Variants in PRSS50 observed in about 807,000 individuals in gnomAD.
PRSS50 encodes the protein probable threonine protease PRSS50.
PRSS50 carries 23 observed loss-of-function variants against 34.2 expected under a neutral mutation model. The observed-to-expected ratio is 0.67, with a 90% CI of 0.48 to 0.95. The LOEUF (loss-of-function observed/expected upper bound fraction) is 0.95, where lower values mean the gene tolerates loss of function less well. Ranked by LOEUF, PRSS50 falls within the 40% of genes least tolerant of loss-of-function variation. PRSS50 has a pLI of 0.00. For synonymous variants in PRSS50, 224 were observed against 211.2 expected, an observed-to-expected ratio of 1.06 and a Z score of -0.53; for missense variants, 484 against 513.4, an observed-to-expected ratio of 0.94 and a Z score of 0.55.
In PRSS50 at chr3:46,717,447, G is replaced by A. The variant is rs775881844; in HGVS notation, c.297C>T (p.Asp99=). 2 of 1,613,978 alleles carry A rather than the reference G, an allele frequency of 1.2e-6. No individual in the cohort carries two copies. Among genetic ancestry groups the A allele is most frequent in the Middle Eastern group, 1.7e-4 (1 of 6,060 alleles). Residue 99 remains aspartate (D), a synonymous_variant, in exon 2 of 6, where the codon GAC becomes GAT. Coordinates refer to ENST00000315170, the MANE Select transcript of PRSS50 (RefSeq NM_013270.5). This position sits in a 1 kb window ranked among gnomAD's most constrained non-coding sequence, Gnocchi z 4.5. ...ACCCCTGGTACTCACAGCGGTATGG[G>A]TCGACTTTGCCTTCAGAAACTGGGA... ...TQFPVSEGKV[D]PYRSCGFSYE... is the part of the protein sequence containing the mutation.
chr3:46,712,410 C>T lies in PRSS50; in HGVS notation c.994G>A (p.Ala332Thr). ...GGGGCCTCGCTCTTCTGGCAGCCTG[C>T]ACCCCAGCTCACCAATCCCACCAGG... ...WYLVGLVSWG[A>T]GCQKSEAPPI... is the part of the protein sequence containing the mutation. Residue 332 changes from alanine (A) to threonine (T), a missense_variant, in exon 6 of 6, where the codon GCA (alanine) becomes ACA (threonine). Physicochemically the swap from Ala to Thr is moderately conservative, Grantham distance 58. Coordinates refer to ENST00000315170, the MANE Select transcript of PRSS50 (RefSeq NM_013270.5). 1.9e-6 allele frequency: 3 copies of T among 1,614,096 alleles called. No homozygotes were observed. Among genetic ancestry groups the T allele is most frequent in the Non-Finnish European group, 1.7e-6 (2 of 1,179,990 alleles).
In PRSS50 at chr3:46,716,454, G is replaced by A. The variant is rs1218940972; in HGVS notation, c.308-757C>T. The stretch of plus-strand genomic sequence containing the variant: ...TATTTTTTAATTTTTTGGAGAGATA[G>A]AGTCCCACTATGTTGCCCAGGCAGG... On this transcript the variant is annotated intron_variant, in intron 2 of 5. Transcript: ENST00000315170. This position sits in a 1 kb window ranked among gnomAD's most constrained non-coding sequence, Gnocchi z 4.4. 6.6e-6 allele frequency among the ~76,000 whole-genome samples: 1 copy of A among 152,034 alleles called. No homozygotes were observed. The highest frequency in any genetic ancestry group is 1.5e-5 in the Non-Finnish European group (1 of 68,018).
chr3:46,712,922 G>A lies in PRSS50; in HGVS notation c.900C>T (p.Thr300=), dbSNP rs368603995. 1.4e-5 allele frequency: 22 copies of A among 1,613,918 alleles called. No individual in the cohort carries two copies. The African/African-American group carries it at 2.5e-4, about 19-fold the overall frequency. The change falls in exon 5 of 6, where the codon ACC becomes ACT. Residue 300 remains threonine, a synonymous_variant. Coordinates refer to ENST00000315170, the MANE Select transcript of PRSS50 (RefSeq NM_013270.5). ...IKSQMMCAED[T]HREKFCYELT... ...TCACATAGCAGAACTTCTCCCTGTG[G>A]GTGTCCTCCGCACACATCATCTGGG...
rs1186997324 is a variant in PRSS50 at position 46,712,288 on chromosome 3, G to A, written c.1116C>T (p.Leu372=). 6.2e-7 allele frequency: 1 copy of A among 1,612,562 alleles called. No individual in the cohort carries two copies. The highest frequency in any genetic ancestry group is 8.5e-7 in the Non-Finnish European group (1 of 1,179,506). The change falls in exon 6 of 6, where the codon CTC becomes CTT. Residue 372 remains leucine, a synonymous_variant. Transcript: ENST00000315170. ...GGCTGAGGGGCAGTGGGAGTGCCAG[G>A]AGCAGGGTCCTGGATGGGGCTGGCA... The part of the protein sequence containing the change: ...LALPAPSRTL[L]LALPLPLSLL...
rs1336435810 is a variant in PRSS50 at position 46,717,324 on chromosome 3, G to A, written c.307+113C>T. 11 of 1,200,136 alleles carry A rather than the reference G, an allele frequency of 9.2e-6. No homozygotes were observed. The highest frequency in any genetic ancestry group is 1.1e-5 in the Non-Finnish European group (9 of 850,744). The allele number at this position is 1,200,136 out of a possible 1,614,324, so 74.3% of individuals were successfully genotyped here. A position where few individuals can be genotyped will look rare whatever the true frequency, so the allele number is the denominator to read the frequency against. ...TCAATGAACACCTGTAGAAGGAGGCGCTCCTCTATCCTGCTCGCCCCCGTC... is the reference window on the plus strand; with the variant it reads ...TCAATGAACACCTGTAGAAGGAGGCACTCCTCTATCCTGCTCGCCCCCGTC... On this transcript the variant is annotated intron_variant, in intron 2 of 5. Transcript: ENST00000315170. This position sits in a 1 kb window ranked among gnomAD's most constrained non-coding sequence, Gnocchi z 4.5.
chr3:46,714,162 T>A, intron 4 of PRSS50, 56 bp downstream of exon 4: 1 of 1,576,394 alleles, frequency 6.3e-7, no homozygotes, highest in South Asian at 1.2e-5. Context: ...CACCCTGGCC[T>A]GCACCCACGT....
At position 46,715,636 on chromosome 3, in the gene PRSS50, C is replaced by T. The variant is rs1700671798; in HGVS notation, c.369G>A (p.Arg123=). ...CCCGCACGCTGACCATCCAGGGCCACCGCCGAGCCACGGCTTCTGGGTCCC... is the reference window on the plus strand; with the variant it reads ...CCCGCACGCTGACCATCCAGGGCCATCGCCGAGCCACGGCTTCTGGGTCCC... The part of the protein sequence containing the change: ...TLRDPEAVAR[R]WPWMVSVRAN... Residue 123 remains arginine, a synonymous_variant, in exon 3 of 6, where the codon CGG becomes CGA. Coordinates refer to ENST00000315170, the MANE Select transcript of PRSS50 (RefSeq NM_013270.5). This position sits in a 1 kb window ranked among gnomAD's most constrained non-coding sequence, Gnocchi z 5.2. The T allele has an allele frequency of 1.9e-6, 3 of 1,611,988 alleles. 1 individual carries two copies. Among genetic ancestry groups the T allele is most frequent in the East Asian group, 4.5e-5 (2 of 44,788 alleles).
At position 46,715,709 on chromosome 3, in the gene PRSS50, G is replaced by C; in HGVS notation, c.308-12C>G. ...GGAAAAGCCACAGGCTGAGGAGGAAGGTGAGAGCTTGATGAGGGATGGATC... is the reference window on the plus strand; with the variant it reads ...GGAAAAGCCACAGGCTGAGGAGGAACGTGAGAGCTTGATGAGGGATGGATC... On this transcript the variant is annotated splice_polypyrimidine_tract_variant and intron_variant, in intron 2 of 5. Coordinates refer to ENST00000315170, the MANE Select transcript of PRSS50 (RefSeq NM_013270.5). The surrounding 1 kb of genome is among the most constrained non-coding windows in gnomAD (Gnocchi z 5.2). 1 of 1,579,120 alleles carries C rather than the reference G, an allele frequency of 6.3e-7. No individual in the cohort carries two copies. Among genetic ancestry groups the C allele is most frequent in the Non-Finnish European group, 8.6e-7 (1 of 1,160,258 alleles).
intron 4 of PRSS50, among the ~76,000 whole-genome samples, 170 bp from the exon 5 acceptor site, chr3:46,713,237 G>A (rs748978040): frequency 3.3e-5 from 5 of 152,120 alleles, no homozygotes; most frequent in Non-Finnish European, 5.9e-5. Flanking sequence ...CAGAGCCCCC[G>A]GAGCAGAGTA....
At position 46,712,486 on chromosome 3, in the gene PRSS50, T is replaced by C. The variant is rs9815362; in HGVS notation, c.922-4A>G. 0.45 allele frequency: 733,529 copies of C among 1,613,086 alleles called. 170,730 individuals are homozygous for C. The highest frequency in any genetic ancestry group is 0.72 in the African/African-American group (54,025 of 74,882). On this transcript the variant is annotated splice_polypyrimidine_tract_variant and splice_region_variant and intron_variant, in intron 5 of 5. Coordinates refer to ENST00000315170, the MANE Select transcript of PRSS50 (RefSeq NM_013270.5). ...CCAAGGGCTCTCCAGTTAGCTCCTG[T>C]GGGAAGGGTTGGGGGAGTAAGGGTC...
At chr3:46,714,538 A>G (rs763915786) in intron 3 of PRSS50, 37 bp from the exon 4 acceptor site, 28 of 1,512,986 alleles carry the variant, frequency 1.9e-5, no homozygotes, top group Non-Finnish European at 2.5e-5. Flanking sequence ...GATCAGCTCC[A>G]GGCCCCCTGC....
rs139823108 is a variant in PRSS50, at chr3:46,714,283, G to C, written c.689C>G (p.Thr230Arg). 6.2e-7 allele frequency: 1 copy of C among 1,614,030 alleles called. No individual in the cohort carries two copies. Among genetic ancestry groups the C allele is most frequent in the Non-Finnish European group, 8.5e-7 (1 of 1,180,042 alleles). ...NYVRPICLPG[T>R]DYVLKDHSRC... ...GGAATGGTCCTTCAACACATAGTCC[G>C]TGCCAGGCAGGCAGATGGGCCGCAC... is the stretch of plus-strand genomic sequence containing the variant. Residue 230 changes from threonine to arginine, a missense_variant, in exon 4 of 6, where the codon ACG becomes AGG. Coordinates refer to ENST00000315170, the MANE Select transcript of PRSS50 (RefSeq NM_013270.5).
In PRSS50 at chr3:46,713,058, G is replaced by A. The variant is rs760975467; in HGVS notation, c.764C>T (p.Pro255Leu). Residue 255 changes from proline (P) to leucine (L), a missense_variant, in exon 5 of 6, where the codon CCT becomes CTT. Transcript: ENST00000315170. ...CTTCTCCTGAATGGTCCGGAACTGAGGCCACATGCCTGTGGGACAGGGCCC... is the reference window on the plus strand; with the variant it reads ...CTTCTCCTGAATGGTCCGGAACTGAAGCCACATGCCTGTGGGACAGGGCCC... ...WGLSKADGMWPQFRTIQEKEV... is the reference protein window; with the variant it reads ...WGLSKADGMWLQFRTIQEKEV... The A allele has an allele frequency of 1.1e-5, 18 of 1,613,878 alleles. No homozygotes were observed. The Admixed American group carries it at 3.0e-4, about 27-fold the overall frequency.
chr3:46,712,248 A>G lies in PRSS50; in HGVS notation c.1156T>C (p.Ter386ArgextTer37). 2 of 1,605,730 alleles carry G rather than the reference A, an allele frequency of 1.2e-6. No homozygotes were observed. Among genetic ancestry groups the G allele is most frequent in the Non-Finnish European group, 1.7e-6 (2 of 1,176,122 alleles). Residue 386 changes from the stop codon to arginine (R), a stop_lost, in exon 6 of 6, where the codon TGA (stop) becomes CGA (arginine). Transcript: ENST00000315170. ...PLPLSLLAAL* is the reference protein window; with the variant it reads ...PLPLSLLAALR ...CAAGTGAGGGAGGGCACACAGAGTC[A>G]GAGGGCAGCAAGGAGGCTGAGGGGC...
chr3:46,717,570 C>CT lies in PRSS50; in HGVS notation c.173dup (p.Cys59ValfsTer37), dbSNP rs748680365. On this transcript the variant is annotated frameshift_variant, in exon 2 of 6. Coordinates refer to ENST00000315170, the MANE Select transcript of PRSS50 (RefSeq NM_013270.5). LOFTEE classifies it high-confidence loss of function. This position sits in a 1 kb window ranked among gnomAD's most constrained non-coding sequence, Gnocchi z 4.5. ...AAGGACAGGTGGCCTTGGGGACACA[C>CT]TGGACGCTCTGGTCGGCGGGATCAG... 6.2e-7 allele frequency: 1 copy of CT among 1,613,718 alleles called. No homozygotes were observed. Among genetic ancestry groups the CT allele is most frequent in the South Asian group, 1.1e-5 (1 of 91,076 alleles).
chr3:46,712,807 T>A (rs1700636829), intron 5 of PRSS50, 94 bp downstream of exon 5: 8 of 1,356,486 alleles, frequency 5.9e-6, no homozygotes, highest in Non-Finnish European at 8.1e-6. Context: ...CCCCTTCCCT[T>A]CCCCTACCCA....
rs1333102858 is a variant in PRSS50 at position 46,715,304 on chromosome 3, T to C, written c.470+231A>G. Among the ~76,000 whole-genome samples the C allele has an allele frequency of 6.6e-6, 1 of 152,132 alleles. No individual in the cohort carries two copies. The highest frequency in any genetic ancestry group is 1.5e-5 in the Non-Finnish European group (1 of 68,014). The stretch of plus-strand genomic sequence containing the variant: ...ATGGCTTCTGAGCTTCCATTTCCCA[T>C]CTGCGGAATGACTGCACGGGACTGA... On this transcript the variant is annotated intron_variant, in intron 3 of 5. Transcript: ENST00000315170. The surrounding 1 kb of genome is among the most constrained non-coding windows in gnomAD (Gnocchi z 5.2).
rs1186933869 is a variant in PRSS50, at chr3:46,717,048, T to C, written c.307+389A>G. Among the ~76,000 whole-genome samples the C allele has an allele frequency of 6.6e-6, 1 of 152,214 alleles. No individual in the cohort carries two copies. The highest frequency in any genetic ancestry group is 1.5e-5 in the Non-Finnish European group (1 of 68,034). On this transcript the variant is annotated intron_variant, in intron 2 of 5. Transcript: ENST00000315170. This position sits in a 1 kb window ranked among gnomAD's most constrained non-coding sequence, Gnocchi z 4.5. ...GCTCACACAGCCTGGCCCTGAAAGC[T>C]GTGCTGGAGATCCCAGAGGTCCCTG...
chr3:46,717,833 G>A lies in PRSS50; in HGVS notation c.-9C>T, dbSNP rs1207024849. The A allele has an allele frequency of 2.7e-6, 4 of 1,492,416 alleles. No individual in the cohort carries two copies. Among genetic ancestry groups the A allele is most frequent in the Non-Finnish European group, 3.6e-6 (4 of 1,123,312 alleles). 92.4% of individuals were successfully genotyped at this position (1,492,416 alleles called of 1,614,324 possible). ...TGGCACCAGCGACCCATCCCGGGGT[G>A]GCAGCCGACTGCGTCTCTCCGGAAG... On this transcript the variant is annotated 5_prime_UTR_variant, in exon 1 of 6. Coordinates refer to ENST00000315170, the MANE Select transcript of PRSS50 (RefSeq NM_013270.5). The surrounding 1 kb of genome is among the most constrained non-coding windows in gnomAD (Gnocchi z 4.5).
Sources: allele counts gnomAD v4.1 joint callset (sites outside exome capture counted in the v4.1 genomes callset), GRCh38; gene constraint gnomAD v4.1.1; non-coding constraint Gnocchi (gnomAD v3.1); transcripts MANE v1.5; gene names NCBI Gene and HGNC (gene_info 2026-07-23, HGNC 2026-07-21).